The following ASAP2 variants were observed in gnomAD, a reference collection of about 807,000 sequenced individuals.
ASAP2 encodes the protein ArfGAP with SH3 domain, ankyrin repeat and PH domain 2.
Under a neutral mutation model 131.4 loss-of-function variants are expected in ASAP2, and 45 were observed. That is an observed-to-expected ratio of 0.34 (90% CI 0.27 to 0.44). ASAP2 has a LOEUF of 0.44. Ranked by LOEUF, ASAP2 falls within the 20% of genes least tolerant of loss-of-function variation. ASAP2 has a pLI of 1.00. For synonymous variants in ASAP2, 510 were observed against 503.0 expected, an observed-to-expected ratio of 1.01 and a Z score of -0.19; for missense variants, 1,011 against 1,297.0, an observed-to-expected ratio of 0.78 and a Z score of 3.39.
Position 9,232,726 on chromosome 2 carries a change from G to GCA in ASAP2, c.126+25496_126+25497insCA, listed in dbSNP as rs1379168953. Among the ~76,000 whole-genome samples, 1 of 152,202 alleles carries GCA rather than the reference G, an allele frequency of 6.6e-6. No individual in the cohort carries two copies. Among genetic ancestry groups the GCA allele is most frequent in the Non-Finnish European group, 1.5e-5 (1 of 68,034 alleles). On this transcript the variant is annotated intron_variant, in intron 1 of 27. Transcript: ENST00000281419. The surrounding 1 kb of genome is among the most constrained non-coding windows in gnomAD (Gnocchi z 4.1). ...AAAACTGACAGGCAACTACAGCTTA[G>GCA]ATTGCAGGGAGTGAGACATGCTGTT... is the stretch of plus-strand genomic sequence containing the variant.
chr2:9,330,080 C>T (rs185700336), intron 7 of ASAP2, among the ~76,000 whole-genome samples: 20 of 152,290 alleles, frequency 1.3e-4, no homozygotes, highest in Non-Finnish European at 2.5e-4. Flanking sequence ...GTATTTGCAG[C>T]AGTGAATTGC....
chr2:9,334,438 T>C (rs1334781778), intron 7 of ASAP2, among the ~76,000 whole-genome samples: 1 of 152,168 alleles, frequency 6.6e-6, no homozygotes, highest in Non-Finnish European at 1.5e-5. Flanking sequence ...CCATGGCCTT[T>C]CTGGCTTCAG....
At chr2:9,341,275 G>A (rs537527021) in intron 9 of ASAP2, among the ~76,000 whole-genome samples, 5 of 152,240 alleles carry the variant, frequency 3.3e-5, no homozygotes, top group South Asian at 4.2e-4. Flanking sequence ...TTACGGGGTC[G>A]CCTGGGAGTC....
intron 3 of ASAP2, among the ~76,000 whole-genome samples, chr2:9,317,873 A>G (rs1284587053): frequency 1.3e-5 from 2 of 152,056 alleles, no homozygotes; most frequent in Admixed American, 1.3e-4. Flanking sequence ...ACTCATACCC[A>G]CATTCACTCA....
At position 9,374,830 on chromosome 2, in the gene ASAP2, G is replaced by A. The variant is rs148149902; in HGVS notation, c.1632G>A (p.Ala544=). The A allele has an allele frequency of 1.0e-4, 166 of 1,614,146 alleles. No individual in the cohort carries two copies. The highest frequency in any genetic ancestry group is 2.3e-4 in the African/African-American group (17 of 75,050). ...RYARKKHADN[A]AKLHSLCEAV... ...CAAGGAAGAAGCACGCGGATAACGC[G>A]GCGAAGCTTCACAGTCTTTGCGAGG... The change falls in exon 17 of 28, where the codon GCG becomes GCA. Residue 544 remains alanine, a synonymous_variant. Transcript: ENST00000281419.
chr2:9,231,218 C>T (rs961458427), intron 1 of ASAP2, among the ~76,000 whole-genome samples: 1 of 152,164 alleles, frequency 6.6e-6, no homozygotes, highest in Non-Finnish European at 1.5e-5. Context: ...CCCTTCACTC[C>T]CTCCTGTAGC....
At chr2:9,339,538 T>C (rs1432709590) in intron 9 of ASAP2, among the ~76,000 whole-genome samples, 1 of 152,176 alleles carries the variant, frequency 6.6e-6, no homozygotes, top group African/African-American at 2.4e-5. Context: ...ATTAATAAAC[T>C]ATCTTAATAG....
intron 15 of ASAP2, among the ~76,000 whole-genome samples, chr2:9,368,054 G>A (rs1008133346): frequency 6.6e-6 from 1 of 152,148 alleles, no homozygotes; most frequent in African/African-American, 2.4e-5. Flanking sequence ...CTACCTCATA[G>A]CTGGCATAAG....
chr2:9,356,154 C>T (rs771537145), intron 13 of ASAP2, 25 bp from the exon 14 acceptor site: 2 of 1,614,146 alleles, frequency 1.2e-6, no homozygotes, highest in Admixed American at 3.3e-5. Context: ...TGGAATTTAA[C>T]ACAGCGTTGC....
In ASAP2 at chr2:9,306,814, GC is replaced by G. The variant is rs368447847; in HGVS notation, c.345+9372del. 5.6e-3 allele frequency among the ~76,000 whole-genome samples: 852 copies of G among 152,230 alleles called. 3 individuals carry two copies. Among genetic ancestry groups the G allele is most frequent in the Non-Finnish European group, 9.8e-3 (663 of 67,988 alleles). On this transcript the variant is annotated intron_variant, in intron 3 of 27. Coordinates refer to ENST00000281419, the MANE Select transcript of ASAP2 (RefSeq NM_003887.3). ...CTGAAGCCTGGCACCCCATATCAGT[GC>G]CCATATACTCCAGGTTCCAGCTTAG... is the stretch of plus-strand genomic sequence containing the variant.
chr2:9,230,476 C>G (rs1052604009), intron 1 of ASAP2, among the ~76,000 whole-genome samples: 4 of 152,226 alleles, frequency 2.6e-5, no homozygotes, highest in Non-Finnish European at 5.9e-5. Context: ...AAAAACTGTG[C>G]TGAGACTGAT....
chr2:9,345,591 C>T (rs1053272735), intron 11 of ASAP2, among the ~76,000 whole-genome samples: 9 of 152,068 alleles, frequency 5.9e-5, no homozygotes, highest in Non-Finnish European at 1.3e-4. Flanking sequence ...AGGCCGAGGT[C>T]GTTGCCTTTT....
Position 9,207,212 on chromosome 2 carries a change from T to A in ASAP2, c.108T>A (p.Thr36=). 6.3e-7 allele frequency: 1 copy of A among 1,596,044 alleles called. No individual in the cohort carries two copies. Among genetic ancestry groups the A allele is most frequent in the East Asian group, 2.3e-5 (1 of 43,856 alleles). Residue 36 remains threonine (T), a synonymous_variant, in exon 1 of 28, where the codon ACT becomes ACA. Coordinates refer to ENST00000281419, the MANE Select transcript of ASAP2 (RefSeq NM_003887.3). The surrounding 1 kb of genome is among the most constrained non-coding windows in gnomAD (Gnocchi z 4.1). Reference sequence around the variant, plus strand: ...CCCGCACGGCGCAGTGCCGGAACACTGTGGCGGCCATCGAGGAGGTGAGGC... The same window carrying A: ...CCCGCACGGCGCAGTGCCGGAACACAGTGGCGGCCATCGAGGAGGTGAGGC... ...FTTRTAQCRN[T]VAAIEEALDV...
chr2:9,214,296 G>A (rs963403865), intron 1 of ASAP2, among the ~76,000 whole-genome samples: 3 of 152,084 alleles, frequency 2.0e-5, no homozygotes, highest in African/African-American at 4.8e-5. Context: ...GGAGTGCAGT[G>A]GTGCGATCTC....
intron 12 of ASAP2, 78 bp downstream of exon 12, chr2:9,350,973 C>G (rs2148630366): frequency 2.7e-6 from 3 of 1,091,220 alleles, no homozygotes; most frequent in Non-Finnish European, 3.9e-6. Flanking sequence ...ACATTTCAAA[C>G]ACTGCATTCG....
intron 6 of ASAP2, among the ~76,000 whole-genome samples, chr2:9,326,657 G>T (rs750453213): frequency 6.6e-6 from 1 of 151,980 alleles, no homozygotes; most frequent in East Asian, 1.9e-4. Context: ...AAAAAAAATC[G>T]TATAAGTAGA....
In ASAP2 at chr2:9,327,873, A is replaced by G; in HGVS notation, c.648A>G (p.Leu216=). The change falls in exon 7 of 28, where the codon TTA becomes TTG. Residue 216 remains leucine (L), a synonymous_variant. Coordinates refer to ENST00000281419, the MANE Select transcript of ASAP2 (RefSeq NM_003887.3). The part of the protein sequence containing the change: ...NEIKIKKGVD[L]LQNLIKYFHA... ...TCAAGATTAAAAAGGGAGTAGATTT[A>G]CTTCAGAATCTGATCAAATACTTTC... 4 of 1,584,670 alleles carry G rather than the reference A, an allele frequency of 2.5e-6. No homozygotes were observed. In the South Asian group the frequency reaches 4.7e-5, roughly 19 times the overall value.
At chr2:9,267,134 GA>G (rs1665995811) in intron 1 of ASAP2, among the ~76,000 whole-genome samples, 1 of 151,938 alleles carries the variant, frequency 6.6e-6, no homozygotes, top group Admixed American at 6.6e-5. Flanking sequence ...TTTTCAATGA[GA>G]TTTTTTTAAA....
intron 3 of ASAP2, among the ~76,000 whole-genome samples, chr2:9,297,678 G>A (rs1479551306): frequency 1.3e-5 from 2 of 152,180 alleles, no homozygotes; most frequent in Admixed American, 1.3e-4. Context: ...ACACAGCTAT[G>A]GGACAAAATG....
Sources: allele counts gnomAD v4.1 joint callset (sites outside exome capture counted in the v4.1 genomes callset), GRCh38; gene constraint gnomAD v4.1.1; non-coding constraint Gnocchi (gnomAD v3.1); transcripts MANE v1.5; gene names NCBI Gene and HGNC (gene_info 2026-07-23, HGNC 2026-07-21).